MINPP1: variants seen among roughly 807,000 people sequenced by gnomAD.
MINPP1 encodes the protein multiple inositol polyphosphate phosphatase 1.
In MINPP1, 28 loss-of-function variants were observed where a neutral mutation model predicts 46.1. The ratio of observed to expected loss-of-function variants is 0.61; its 90% CI spans 0.45 to 0.83. The LOEUF (loss-of-function observed/expected upper bound fraction) is 0.83, where lower values mean the gene tolerates loss of function less well. Ranked by LOEUF, MINPP1 falls within the 40% of genes least tolerant of loss-of-function variation. The pLI, the probability that MINPP1 is intolerant of heterozygous loss-of-function variation, is 0.00. For missense variants in MINPP1, 603 were observed against 610.0 expected, an observed-to-expected ratio of 0.99 and a Z score of 0.12; for synonymous variants, 268 against 249.1, an observed-to-expected ratio of 1.08 and a Z score of -0.72.
At chr10:87,509,068 C>T (rs1235642906) in intron 2 of MINPP1, among the ~76,000 whole-genome samples, 1 of 152,122 alleles carries the variant, frequency 6.6e-6, no homozygotes, top group Non-Finnish European at 1.5e-5. Context: ...ACTTACCATC[C>T]AAACTGGTGG....
At chr10:87,539,722 T>TG (rs549433919) in intron 4 of MINPP1, among the ~76,000 whole-genome samples, 98 of 152,346 alleles carry the variant, frequency 6.4e-4, no homozygotes, top group Non-Finnish European at 6.8e-4. Context: ...ATGGACCACA[T>TG]GCCTTTCTTT....
chr10:87,515,822 A>ATTTTTT (rs71019482), intron 3 of MINPP1, among the ~76,000 whole-genome samples: 1 of 84,106 alleles, frequency 1.2e-5, no homozygotes, highest in African/African-American at 4.6e-5. Context: ...TTTGTTAAGA[A>ATTTTTT]TTTTTTTTTT....
chr10:87,508,895 C>A (rs973406036), intron 2 of MINPP1, among the ~76,000 whole-genome samples: 3 of 152,106 alleles, frequency 2.0e-5, no homozygotes, highest in Admixed American at 6.5e-5. Context: ...AATTCTTTAG[C>A]TTTTGAAGCA....
intron 4 of MINPP1, among the ~76,000 whole-genome samples, chr10:87,550,929 C>T (rs1244700288): frequency 6.6e-6 from 1 of 152,056 alleles, no homozygotes. Context: ...GGACTAAATA[C>T]TTCCCAATTT....
At chr10:87,513,262 A>T (rs761019079) in intron 3 of MINPP1, 41 bp downstream of exon 3, 76 of 1,515,228 alleles carry the variant, frequency 5.0e-5, no homozygotes, top group African/African-American at 1.7e-4. Context: ...TTTTAAAAAA[A>T]TTTTTTTTGG....
rs929295947 is a variant in MINPP1, at chr10:87,544,433, A to G, written c.1068-7649A>G. On this transcript the variant is annotated intron_variant, in intron 4 of 4. Coordinates refer to ENST00000371996, the MANE Select transcript of MINPP1 (RefSeq NM_004897.5). ...TTACTTAGACATGATTAATTAAACTATTGGCCATTGGTGATCAACTTGACC... is the reference window on the plus strand; with the variant it reads ...TTACTTAGACATGATTAATTAAACTGTTGGCCATTGGTGATCAACTTGACC... 2.6e-5 allele frequency among the ~76,000 whole-genome samples: 4 copies of G among 152,240 alleles called. No individual in the cohort carries two copies. In the East Asian group the frequency reaches 7.7e-4, roughly 29 times the overall value.
intron 4 of MINPP1, among the ~76,000 whole-genome samples, chr10:87,525,674 C>T (rs1851566118): frequency 6.6e-6 from 1 of 152,172 alleles, no homozygotes; most frequent in Non-Finnish European, 1.5e-5. Context: ...TTAGGTATAT[C>T]TCCTAATGCT....
intron 4 of MINPP1, among the ~76,000 whole-genome samples, chr10:87,539,634 G>A (rs1851784798): frequency 6.6e-6 from 1 of 152,182 alleles, no homozygotes; most frequent in African/African-American, 2.4e-5. Context: ...TTATTCCTCA[G>A]GATGTCACAT....
chr10:87,529,348 G>A (rs559745031), intron 4 of MINPP1, among the ~76,000 whole-genome samples: 37 of 152,260 alleles, frequency 2.4e-4, no homozygotes, highest in Middle Eastern at 3.4e-3. Flanking sequence ...GGCTGGTACC[G>A]GTTGTTCCTT....
Position 87,504,953 on chromosome 10 carries a change from T to C in MINPP1, c.38T>C (p.Val13Ala). The C allele has an allele frequency of 6.2e-7, 1 of 1,611,824 alleles. No homozygotes were observed. Among genetic ancestry groups the C allele is most frequent in the Non-Finnish European group, 8.5e-7 (1 of 1,179,474 alleles). Residue 13 changes from valine (V) to alanine (A), a missense_variant, in exon 1 of 5, where the codon GTA (valine) becomes GCA (alanine). Physicochemically the swap from Val to Ala is moderately conservative, Grantham distance 64 (BLOSUM62 0). Coordinates refer to ENST00000371996, the MANE Select transcript of MINPP1 (RefSeq NM_004897.5). ...CCCGGCTGCCTCCTCCGGACCTCCG[T>C]AGCGCCTGCCGCGGCCCTGGCTGCG... ...RAPGCLLRTSVAPAAALAAAL... is the reference protein window; with the variant it reads ...RAPGCLLRTSAAPAAALAAAL...
rs1456642166 is a variant in MINPP1 at position 87,552,107 on chromosome 10, A to C, written c.1093A>C (p.Ile365Leu). 5 of 1,613,024 alleles carry C rather than the reference A, an allele frequency of 3.1e-6. No individual in the cohort carries two copies. The highest frequency in any genetic ancestry group is 3.4e-6 in the Non-Finnish European group (4 of 1,179,466). ...GTCTCAGCCAATTTCTTCTCCAGTC[A>C]TCCTCCAGTTTGGTCATGCAGAGAC... ...QRSQPISSPV[I>L]LQFGHAETLL... is the part of the protein sequence containing the mutation. The change falls in exon 5 of 5, where the codon ATC (isoleucine) becomes CTC (leucine). Residue 365 changes from isoleucine (I) to leucine (L), a missense_variant. By Grantham distance (5) the Ile-to-Leu change is conservative. Around this residue, in one of 3 missense-constraint regions of MINPP1, gnomAD observed 344 missense variants for 381.1 expected, o/e 0.90. Transcript: ENST00000371996.
At chr10:87,543,859 C>T (rs1851851340) in intron 4 of MINPP1, among the ~76,000 whole-genome samples, 1 of 152,198 alleles carries the variant, frequency 6.6e-6, no homozygotes, top group South Asian at 2.1e-4. Context: ...CCCCATGATT[C>T]AGTACCTCCC....
chr10:87,537,905 G>A (rs61853079), intron 4 of MINPP1, among the ~76,000 whole-genome samples: 18,486 of 151,758 alleles, frequency 0.12, 1,367 homozygotes, highest in Non-Finnish European at 0.17. Flanking sequence ...AAGTAGCTGC[G>A]ACTACATGCA....
intron 4 of MINPP1, among the ~76,000 whole-genome samples, chr10:87,540,678 T>C (rs1851803494): frequency 6.6e-6 from 1 of 152,234 alleles, no homozygotes; most frequent in Admixed American, 6.5e-5. Flanking sequence ...GATTTTGGTG[T>C]ATTCAAAGAG....
chr10:87,521,907 A>G (rs1851507321), intron 4 of MINPP1, among the ~76,000 whole-genome samples: 1 of 152,158 alleles, frequency 6.6e-6, no homozygotes, highest in Non-Finnish European at 1.5e-5. Flanking sequence ...CTTGTTTCAA[A>G]CTTCTGGGCT....
Position 87,537,630 on chromosome 10 carries a change from A to AAT in MINPP1, c.1068-14441_1068-14440dup, listed in dbSNP as rs962403971. ...AGTCTATGGTTTGCCTTTCTTAAAA[A>AAT]ATATATATATATTAATGGACTGATT... On this transcript the variant is annotated intron_variant, in intron 4 of 4. Transcript: ENST00000371996. Among the ~76,000 whole-genome samples the AAT allele has an allele frequency of 1.1e-3, 167 of 151,274 alleles. 2 individuals are homozygous for AAT. The highest frequency in any genetic ancestry group is 1.6e-3 in the Non-Finnish European group (109 of 67,846).
intron 4 of MINPP1, among the ~76,000 whole-genome samples, chr10:87,535,586 A>G (rs1851722600): frequency 6.6e-6 from 1 of 152,188 alleles, no homozygotes; most frequent in East Asian, 1.9e-4. Context: ...GGTGTTATCT[A>G]TGCCAGAGAA....
intron 3 of MINPP1, among the ~76,000 whole-genome samples, chr10:87,520,057 A>AGTGTGTGTGTGTGTGT (rs141533495): frequency 0.15 from 21,489 of 147,326 alleles, 2,618 homozygotes; most frequent in African/African-American, 0.33. Context: ...TAAAAGGTAT[A>AGTGTGTGTGTGTGTGT]GTGTGTGTGT....
In MINPP1 at chr10:87,521,215, A is replaced by G. The variant is rs375302180; in HGVS notation, c.1067+46A>G. On this transcript the variant is annotated intron_variant, in intron 4 of 4. Coordinates refer to ENST00000371996, the MANE Select transcript of MINPP1 (RefSeq NM_004897.5). ...GTGAAGTACATTTTGAGTTACTACT[A>G]AACTTCTGGAAATTTTTTTATAATG... The G allele has an allele frequency of 7.9e-6, 12 of 1,513,800 alleles. No individual in the cohort carries two copies. The African/African-American group carries it at 1.5e-4, about 19-fold the overall frequency. The allele number at this position is 1,513,800 out of a possible 1,614,324, so 93.8% of individuals were successfully genotyped here.
Sources: gnomAD v4.1 joint callset for allele counts (sites outside exome capture counted in the v4.1 genomes callset) on GRCh38, gnomAD v4.1.1 for gene constraint, gnomAD v4.1.1 regional missense constraint, MANE v1.5 for transcripts, NCBI Gene and HGNC (gene_info 2026-07-23, HGNC 2026-07-21) for gene names.